The following MGST1 variants were observed in gnomAD, a reference collection of about 807,000 sequenced individuals.
MGST1 encodes the protein microsomal glutathione S-transferase 1.
In MGST1, 5 loss-of-function variants were observed where a neutral mutation model predicts 8.9. The observed-to-expected ratio is 0.56, with a 90% CI of 0.29 to 1.19. The LOEUF (loss-of-function observed/expected upper bound fraction) is 1.19, where lower values mean the gene tolerates loss of function less well. MGST1 is among the 50% of genes most tolerant of loss of function. The probability of loss-of-function intolerance (pLI) is 0.08; values close to 1 mark genes in which losing one functional copy is unlikely to be tolerated. For synonymous variants in MGST1, 54 were observed against 67.8 expected, an observed-to-expected ratio of 0.80 and a Z score of 1.00; for missense variants, 182 against 187.4, an observed-to-expected ratio of 0.97 and a Z score of 0.17.
intron 4 of MGST1, among the ~76,000 whole-genome samples, chr12:16,518,636 C>T (rs1941629362): frequency 6.6e-6 from 1 of 152,150 alleles, no homozygotes; most frequent in Non-Finnish European, 1.5e-5. Context: ...AATCAGTGTC[C>T]TTTAAATGAA....
At chr12:16,571,499 A>G (rs1213689414) in intron 4 of MGST1, among the ~76,000 whole-genome samples, 3 of 152,068 alleles carry the variant, frequency 2.0e-5, no homozygotes, top group Non-Finnish European at 4.4e-5. Context: ...TATCTCTAAA[A>G]GCAAGGGTAT....
intron 4 of MGST1, among the ~76,000 whole-genome samples, chr12:16,453,389 C>A (rs1206235247): frequency 2.6e-5 from 4 of 151,900 alleles, no homozygotes; most frequent in Non-Finnish European, 5.9e-5. Flanking sequence ...ATATTTCAAT[C>A]AGCAGCCTAC....
At chr12:16,455,957 A>G (rs1289252266) in intron 4 of MGST1, among the ~76,000 whole-genome samples, 10 of 151,856 alleles carry the variant, frequency 6.6e-5, no homozygotes, top group Non-Finnish European at 1.5e-4. Flanking sequence ...GAAGAGTCAT[A>G]TTGAACTATT....
At chr12:16,356,102 C>G (rs1206260950) in intron 2 of MGST1, among the ~76,000 whole-genome samples, 1 of 152,182 alleles carries the variant, frequency 6.6e-6, no homozygotes, top group Non-Finnish European at 1.5e-5. Context: ...GGACTCCACT[C>G]TCTTCACCTA....
chr12:16,508,006 C>A (rs1252504185), intron 4 of MGST1, among the ~76,000 whole-genome samples: 1 of 152,110 alleles, frequency 6.6e-6, no homozygotes. Flanking sequence ...GTTCAGCATG[C>A]TTTTTTCATA....
chr12:16,366,068 T>A (rs139307829), downstream of MGST1, among the ~76,000 whole-genome samples: 1 of 152,186 alleles, frequency 6.6e-6, no homozygotes, highest in African/African-American at 2.4e-5. The surrounding 1 kb of genome is among the most constrained non-coding windows in gnomAD (Gnocchi z 4.0). Context: ...AGAAGCAGAA[T>A]GGATTGTGGT....
chr12:16,400,325 T>G, intron 1 of MGST1: 1 of 801,794 alleles, frequency 1.2e-6, no homozygotes, highest in Non-Finnish European at 2.2e-6. Context: ...TTAATATTAT[T>G]GTACAAAATA....
chr12:16,518,670 G>A (rs915792428), intron 4 of MGST1, among the ~76,000 whole-genome samples: 3 of 152,070 alleles, frequency 2.0e-5, no homozygotes, highest in East Asian at 1.9e-4. Flanking sequence ...TACTCTGGCC[G>A]TTATCTGATC....
intron 1 of MGST1, among the ~76,000 whole-genome samples, chr12:16,429,494 C>G (rs1333012198): frequency 1.1e-5 from 1 of 92,884 alleles, no homozygotes; most frequent in Non-Finnish European, 2.3e-5. Flanking sequence ...TCCTGCTAGT[C>G]ATCCTTTTTT....
rs1382146288 is a variant in MGST1 at position 16,413,066 on chromosome 12, A to G, written n.779-24322A>G. Among the ~76,000 whole-genome samples, 1 of 152,138 alleles carries G rather than the reference A, an allele frequency of 6.6e-6. No individual in the cohort carries two copies. Among genetic ancestry groups the G allele is most frequent in the African/African-American group, 2.4e-5 (1 of 41,452 alleles). ...CACCCCACCTGTCCTGGATGGTGATAGTGAAGGTGGTTAATTTAGGGGTGA... is the reference window on the plus strand; with the variant it reads ...CACCCCACCTGTCCTGGATGGTGATGGTGAAGGTGGTTAATTTAGGGGTGA... On this transcript the variant is annotated intron_variant and non_coding_transcript_variant, in intron 1 of 1. Coordinates refer to the MGST1 transcript ENST00000359720. The surrounding 1 kb of genome is among the most constrained non-coding windows in gnomAD (Gnocchi z 4.0).
chr12:16,399,188 CAA>C (rs1940631410), intron 1 of MGST1: 1 of 1,312,328 alleles, frequency 7.6e-7, no homozygotes, highest in African/African-American at 1.5e-5. Context: ...CAAATGAAAA[CAA>C]AAGGAAAAAT....
intron 4 of MGST1, among the ~76,000 whole-genome samples, chr12:16,572,296 G>C (rs1304216570): frequency 1.5e-5 from 2 of 134,284 alleles, no homozygotes; most frequent in Admixed American, 1.5e-4. Flanking sequence ...ATACAATATT[G>C]TTCATAAACA....
intron 4 of MGST1, among the ~76,000 whole-genome samples, chr12:16,463,610 GA>G (rs11337694): frequency 1 from 150,316 of 151,012 alleles, 74,813 homozygotes; most frequent in East Asian, 1. Context: ...AGAAAAGGAA[GA>G]AAAAAAAAGA....
chr12:16,383,859 C>T (rs370156104), intron 1 of MGST1, among the ~76,000 whole-genome samples: 2 of 152,168 alleles, frequency 1.3e-5, no homozygotes, highest in Admixed American at 6.5e-5. Context: ...ATGTATAATA[C>T]AGATATTATT....
chr12:16,392,409 A>C (rs1380640114), intron 1 of MGST1, among the ~76,000 whole-genome samples: 1 of 152,218 alleles, frequency 6.6e-6, no homozygotes, highest in Non-Finnish European at 1.5e-5. Flanking sequence ...AATATCATGC[A>C]AACTTTTAGG....
At chr12:16,448,761 T>TATTTCTCTC in intron 4 of MGST1, among the ~76,000 whole-genome samples, 1 of 151,944 alleles carries the variant, frequency 6.6e-6, no homozygotes, top group Non-Finnish European at 1.5e-5. Context: ...GGAGGACCTT[T>TATTTCTCTC]ATTTCTCTCC....
chr12:16,474,361 T>G (rs548777387), intron 4 of MGST1, among the ~76,000 whole-genome samples: 45 of 152,314 alleles, frequency 3.0e-4, no homozygotes, highest in African/African-American at 9.6e-4. Context: ...ATTCTGATAC[T>G]TCTAAAAAAC....
intron 4 of MGST1, among the ~76,000 whole-genome samples, chr12:16,514,772 A>G (rs1039739947): frequency 2.0e-5 from 3 of 152,212 alleles, no homozygotes; most frequent in African/African-American, 4.8e-5. Context: ...TAAGTGGATC[A>G]TTTCCTTCAA....
Position 16,347,666 on chromosome 12 carries a change from C to T in MGST1, c.-67C>T, listed in dbSNP as rs1939260609. The T allele has an allele frequency of 6.6e-6, 1 of 152,408 alleles. No homozygotes were observed. 9.4% of individuals were successfully genotyped at this position (152,408 alleles called of 1,614,324 possible). A position where few individuals can be genotyped will look rare whatever the true frequency, so the allele number is the denominator to read the frequency against. On this transcript the variant is annotated 5_prime_UTR_variant, in exon 1 of 4. Coordinates refer to ENST00000396210, the MANE Select transcript of MGST1 (RefSeq NM_020300.5). This position sits in a 1 kb window ranked among gnomAD's most constrained non-coding sequence, Gnocchi z 4.0. The stretch of plus-strand genomic sequence containing the variant: ...CCACAGTCCCTGCATTGCGCGCGAC[C>T]CGGCGGCGGGACAGGCTTGCTGCTT...
Sources: gnomAD v4.1 joint callset for allele counts (sites outside exome capture counted in the v4.1 genomes callset) on GRCh38, gnomAD v4.1.1 for gene constraint, Gnocchi (gnomAD v3.1) non-coding constraint, MANE v1.5 for transcripts, NCBI Gene and HGNC (gene_info 2026-07-23, HGNC 2026-07-21) for gene names.